DDI2: variants seen among roughly 807,000 people sequenced by gnomAD.
DDI2 encodes the protein protein DDI1 homolog 2.
In DDI2, 5 loss-of-function variants were observed where a neutral mutation model predicts 48.1. The observed-to-expected ratio is 0.10, with a 90% CI of 0.05 to 0.22. The LOEUF (loss-of-function observed/expected upper bound fraction) is 0.22. Among genes scored for constraint, DDI2 ranks in the 10% least tolerant of loss-of-function variants. DDI2 has a pLI of 1.00. For synonymous variants in DDI2, 205 were observed against 183.6 expected, an observed-to-expected ratio of 1.12 and a Z score of -0.94; for missense variants, 285 against 506.2, an observed-to-expected ratio of 0.56 and a Z score of 4.19.
In DDI2 at chr1:15,656,648, G is replaced by A. The variant is rs1196194018; in HGVS notation, c.*15G>A. 1 of 1,614,050 alleles carries A rather than the reference G, an allele frequency of 6.2e-7. No homozygotes were observed. The highest frequency in any genetic ancestry group is 2.2e-5 in the East Asian group (1 of 44,892). On this transcript the variant is annotated 3_prime_UTR_variant, in exon 9 of 10. Transcript: ENST00000480945. ...AGAAGCCATGATGCATGTAGTGTGT[G>A]TGTACTGCAGCTGGAGTGGGCCCCA...
At chr1:15,630,929 C>T (rs77013414) in intron 3 of DDI2, among the ~76,000 whole-genome samples, 47,507 of 152,056 alleles carry the variant, frequency 0.31, 8,144 homozygotes, top group African/African-American at 0.43. Context: ...CTGCCAGCTC[C>T]GCCTCCCGGG....
intron 6 of DDI2, among the ~76,000 whole-genome samples, chr1:15,645,585 C>A (rs1222245078): frequency 6.6e-6 from 1 of 152,192 alleles, no homozygotes; most frequent in Non-Finnish European, 1.5e-5. Flanking sequence ...GAGTGGGCCA[C>A]TGGCTGGCCG....
At chr1:15,659,688 A>G in intron 9 of DDI2, 149 bp from the exon 10 acceptor site, 1 of 720,696 alleles carries the variant, frequency 1.4e-6, no homozygotes, top group Non-Finnish European at 2.0e-6. Flanking sequence ...TGAGAAAGTA[A>G]TTTTAAAATC....
chr1:15,643,127 A>G (rs547421982), intron 5 of DDI2, among the ~76,000 whole-genome samples: 3 of 152,280 alleles, frequency 2.0e-5, no homozygotes, highest in Non-Finnish European at 4.4e-5. Context: ...CCAGGTACTC[A>G]GGAGGCTGAC....
Position 15,626,601 on chromosome 1 carries a change from G to C in DDI2, c.139-68G>C, listed in dbSNP as rs1200179058. The C allele has an allele frequency of 4.7e-5, 75 of 1,589,868 alleles. No homozygotes were observed. The East Asian group carries it at 1.7e-3, about 36-fold the overall frequency. ...GTGACATCTGATTCAGGGGAAAACT[G>C]GTCCTTCTGCCTTGCGCTGTGTTAC... On this transcript the variant is annotated intron_variant, in intron 1 of 9. Transcript: ENST00000480945.
At chr1:15,652,394 C>T (rs1406408090) in intron 8 of DDI2, among the ~76,000 whole-genome samples, 1 of 129,452 alleles carries the variant, frequency 7.7e-6, no homozygotes, top group Admixed American at 9.4e-5. Context: ...AGTCTGTATT[C>T]TGGCCCGGCG....
intron 8 of DDI2, among the ~76,000 whole-genome samples, chr1:15,654,755 G>C (rs755420937): frequency 8.6e-5 from 13 of 151,966 alleles, no homozygotes; most frequent in African/African-American, 2.7e-4. Context: ...TATTTTGTAG[G>C]AAGGGAGGAA....
intron 2 of DDI2, among the ~76,000 whole-genome samples, chr1:15,629,773 C>T (rs1639814581): frequency 6.7e-6 from 1 of 148,810 alleles, no homozygotes; most frequent in African/African-American, 2.5e-5. Context: ...CTCTTGTTGC[C>T]TGGGCTGGAG....
In DDI2 at chr1:15,661,360, G is replaced by T. The variant is rs1191253426; in HGVS notation, c.*1570G>T. On this transcript the variant is annotated 3_prime_UTR_variant, in exon 10 of 10. Transcript: ENST00000480945. ...TGTAGAAATTTCACCCAAACTTTTAGCAGGTGAGGAGGATGCACTCAATCA... is the reference window on the plus strand; with the variant it reads ...TGTAGAAATTTCACCCAAACTTTTATCAGGTGAGGAGGATGCACTCAATCA... 1 of 1,614,102 alleles carries T rather than the reference G, an allele frequency of 6.2e-7. No individual in the cohort carries two copies. Among genetic ancestry groups the T allele is most frequent in the South Asian group, 1.1e-5 (1 of 91,058 alleles).
chr1:15,656,809 A>C, intron 9 of DDI2, 130 bp downstream of exon 9: 1 of 1,267,360 alleles, frequency 7.9e-7, no homozygotes, highest in Non-Finnish European at 1.1e-6. Context: ...GGTTACAACT[A>C]GCCTATATGC....
chr1:15,633,324 G>A, intron 3 of DDI2, 115 bp from the exon 4 acceptor site: 2 of 1,191,974 alleles, frequency 1.7e-6, no homozygotes, highest in Non-Finnish European at 2.3e-6. Context: ...TAAGCTTTAG[G>A]CATCCTCTCT....
intron 3 of DDI2, 47 bp from the exon 4 acceptor site, chr1:15,633,392 G>A (rs749741205): frequency 1.1e-5 from 17 of 1,598,942 alleles, no homozygotes; most frequent in Admixed American, 1.7e-5. Flanking sequence ...ACTGATAAAC[G>A]TTGAAAATAT....
intron 6 of DDI2, among the ~76,000 whole-genome samples, chr1:15,644,602 T>G (rs1481053809): frequency 2.2e-5 from 3 of 136,208 alleles, no homozygotes; most frequent in African/African-American, 8.4e-5. Context: ...TTTTTTTTTT[T>G]TTTTTTTTTG....
chr1:15,657,664 TTACCA>T (rs1333425025), intron 9 of DDI2, among the ~76,000 whole-genome samples: 3 of 152,340 alleles, frequency 2.0e-5, no homozygotes, highest in African/African-American at 7.2e-5. Context: ...CAGAAGGCCC[TTACCA>T]TACCTCTTTA....
chr1:15,630,459 C>A lies in DDI2; in HGVS notation c.403C>A (p.Pro135Thr). 2 of 1,614,218 alleles carry A rather than the reference C, an allele frequency of 1.2e-6. No homozygotes were observed. Among genetic ancestry groups the A allele is most frequent in the South Asian group, 1.1e-5 (1 of 91,086 alleles). The change falls in exon 3 of 10, where the codon CCA (proline) becomes ACA (threonine). Residue 135 changes from proline (P) to threonine (T), a missense_variant. Physicochemically the swap from Pro to Thr is conservative, Grantham distance 38. Coordinates refer to ENST00000480945, the MANE Select transcript of DDI2 (RefSeq NM_032341.5). Reference sequence around the variant, plus strand: ...TTCATCTCCTCAGGGCTTGGACAATCCAGCCTTGCTCCGAGATATGTTGCT... The same window carrying A: ...TTCATCTCCTCAGGGCTTGGACAATACAGCCTTGCTCCGAGATATGTTGCT... ...ITSSPQGLDN[P>T]ALLRDMLLAN...
intron 1 of DDI2, among the ~76,000 whole-genome samples, chr1:15,622,998 T>C (rs1402157223): frequency 6.6e-6 from 1 of 152,258 alleles, no homozygotes; most frequent in African/African-American, 2.4e-5. Context: ...TTCATAGACA[T>C]GCTCAATGTG....
intron 1 of DDI2, among the ~76,000 whole-genome samples, chr1:15,620,809 TAC>T (rs1481809893): frequency 6.6e-6 from 1 of 152,172 alleles, no homozygotes; most frequent in Non-Finnish European, 1.5e-5. Context: ...AGTAACATTG[TAC>T]ACACACAAAA....
rs370728497 is a variant in DDI2, at chr1:15,634,539, C to CTTTTTTTTTT, written c.632+976_632+985dup. The stretch of plus-strand genomic sequence containing the variant: ...TTTTTAAACTTCTTATTCTTTTTAT[C>CTTTTTTTTTT]TTTTTTTTTTTGAGACAAGGTCTCA... On this transcript the variant is annotated intron_variant, in intron 4 of 9. Coordinates refer to ENST00000480945, the MANE Select transcript of DDI2 (RefSeq NM_032341.5). 9.0e-4 allele frequency among the ~76,000 whole-genome samples: 90 copies of CTTTTTTTTTT among 100,122 alleles called. 4 individuals carry two copies. The highest frequency in any genetic ancestry group is 3.7e-3 in the African/African-American group (83 of 22,168). The allele number at this position is 100,122 out of a possible 152,430, so 65.7% of individuals were successfully genotyped here.
At chr1:15,628,721 T>C (rs553492117) in intron 2 of DDI2, among the ~76,000 whole-genome samples, 1 of 146,582 alleles carries the variant, frequency 6.8e-6, no homozygotes, top group South Asian at 2.2e-4. Flanking sequence ...AATAACAGTT[T>C]TATTGAGATA....
Sources: gnomAD v4.1 joint callset for allele counts (sites outside exome capture counted in the v4.1 genomes callset) on GRCh38, gnomAD v4.1.1 for gene constraint, MANE v1.5 for transcripts, NCBI Gene and HGNC (gene_info 2026-07-23, HGNC 2026-07-21) for gene names.